The following NTNG1 variants were observed in gnomAD, a reference collection of about 807,000 sequenced individuals.
The protein encoded by NTNG1 is netrin-G1.
Under a neutral mutation model 54.0 loss-of-function variants are expected in NTNG1, and 16 were observed. The observed-to-expected ratio is 0.30, with a 90% CI of 0.20 to 0.45. The LOEUF (loss-of-function observed/expected upper bound fraction) is 0.45, where lower values mean the gene tolerates loss of function less well. Ranked by LOEUF, NTNG1 falls within the 20% of genes least tolerant of loss-of-function variation. NTNG1 has a pLI of 1.00. For missense variants in NTNG1, 530 were observed against 678.7 expected, an observed-to-expected ratio of 0.78 and a Z score of 2.43; for synonymous variants, 255 against 263.1, an observed-to-expected ratio of 0.97 and a Z score of 0.30.
chr1:107,373,034 T>C (rs1671021779), intron 3 of NTNG1, among the ~76,000 whole-genome samples: 1 of 152,174 alleles, frequency 6.6e-6, no homozygotes. Flanking sequence ...CTTGTTTTTG[T>C]TTAAATATCT....
chr1:107,140,958 G>A (rs1653615542), upstream of NTNG1: 1 of 152,500 alleles, frequency 6.6e-6, no homozygotes, highest in Admixed American at 6.6e-5. Flanking sequence ...TGGAGGGAGA[G>A]GCACCTTTCT....
intron 7 of NTNG1, among the ~76,000 whole-genome samples, chr1:107,441,513 T>C (rs12735678): frequency 0.16 from 24,558 of 152,034 alleles, 2,048 homozygotes; most frequent in Middle Eastern, 0.24. Context: ...AAAGTACACA[T>C]AGCAAGGGGG....
chr1:107,328,829 T>A (rs375200067), intron 3 of NTNG1: 1 of 152,146 alleles, frequency 6.6e-6, no homozygotes, highest in East Asian at 1.9e-4. Flanking sequence ...GACAAATGAA[T>A]CTTTAGTAAT....
At chr1:107,479,195 T>C (rs1024477727) in intron 7 of NTNG1, among the ~76,000 whole-genome samples, 79 of 152,348 alleles carry the variant, frequency 5.2e-4, no homozygotes, top group African/African-American at 1.9e-3. Flanking sequence ...CAGTGGTCTA[T>C]TTAGGGCACT....
chr1:107,289,580 A>G (rs1665449757), intron 2 of NTNG1, among the ~76,000 whole-genome samples: 1 of 152,044 alleles, frequency 6.6e-6, no homozygotes, highest in Non-Finnish European at 1.5e-5. Flanking sequence ...CTTAAATATC[A>G]CTTCATTATA....
At chr1:107,434,128 C>A (rs1347635545) in intron 6 of NTNG1, among the ~76,000 whole-genome samples, 1 of 152,136 alleles carries the variant, frequency 6.6e-6, no homozygotes, top group African/African-American at 2.4e-5. Context: ...AAAAAAAGAA[C>A]ACTTTGCCAA....
intron 5 of NTNG1, among the ~76,000 whole-genome samples, chr1:107,425,034 C>A (rs1674805499): frequency 1.3e-5 from 2 of 152,064 alleles, no homozygotes; most frequent in East Asian, 3.9e-4. Context: ...GGCCCAGAAG[C>A]CCCTGCTTCA....
intron 2 of NTNG1, among the ~76,000 whole-genome samples, chr1:107,243,863 A>C (rs1662007138): frequency 1.3e-5 from 2 of 152,102 alleles, no homozygotes; most frequent in South Asian, 2.1e-4. Context: ...TCAGTTCCTT[A>C]TGCCCTCACT....
chr1:107,449,076 A>T (rs1479431964), intron 7 of NTNG1, among the ~76,000 whole-genome samples: 2 of 152,198 alleles, frequency 1.3e-5, no homozygotes, highest in East Asian at 1.9e-4. Context: ...TAACTCAGTT[A>T]ATTGTTATGA....
At chr1:107,407,545 A>T in intron 4 of NTNG1, 137 bp from the exon 5 acceptor site, 1 of 647,496 alleles carries the variant, frequency 1.5e-6, no homozygotes, top group Non-Finnish European at 2.7e-6. Flanking sequence ...GTGCACCTGT[A>T]TTTTGTGTGT....
At chr1:107,333,289 T>C (rs1668388829) in intron 3 of NTNG1, among the ~76,000 whole-genome samples, 1 of 152,016 alleles carries the variant, frequency 6.6e-6, no homozygotes, top group Non-Finnish European at 1.5e-5. Context: ...TCAGAATAGG[T>C]CACAGTTACC....
chr1:107,206,046 T>C (rs1005784713), intron 2 of NTNG1, among the ~76,000 whole-genome samples: 2 of 152,180 alleles, frequency 1.3e-5, no homozygotes, highest in Non-Finnish European at 2.9e-5. Context: ...ATTTTCATAG[T>C]TTCCAGGGCT....
intron 2 of NTNG1, among the ~76,000 whole-genome samples, chr1:107,158,010 T>G (rs917739618): frequency 1.3e-5 from 2 of 152,146 alleles, no homozygotes; most frequent in Non-Finnish European, 2.9e-5. Flanking sequence ...CTGGGAAAGA[T>G]TCATCTGAGT....
At chr1:107,460,890 A>G (rs1382314436) in intron 7 of NTNG1, among the ~76,000 whole-genome samples, 2 of 152,172 alleles carry the variant, frequency 1.3e-5, no homozygotes, top group Non-Finnish European at 2.9e-5. Flanking sequence ...GGTGTTCAGT[A>G]GTTGTCATCG....
chr1:107,356,358 A>G (rs984720747), intron 3 of NTNG1, among the ~76,000 whole-genome samples: 16 of 152,138 alleles, frequency 1.1e-4, no homozygotes, highest in Admixed American at 7.9e-4. Flanking sequence ...CAGTGGCACA[A>G]TCTCAGCTGA....
intron 4 of NTNG1, among the ~76,000 whole-genome samples, chr1:107,400,008 T>G (rs1672914634): frequency 6.6e-6 from 1 of 152,170 alleles, no homozygotes; most frequent in South Asian, 2.1e-4. Flanking sequence ...TTTCTTGACA[T>G]TCTAGCCTAT....
intron 2 of NTNG1, among the ~76,000 whole-genome samples, chr1:107,305,092 T>C (rs1367950065): frequency 6.6e-6 from 1 of 152,234 alleles, no homozygotes; most frequent in Non-Finnish European, 1.5e-5. Flanking sequence ...CTGCATAGTA[T>C]TCCATGGTGT....
rs966185352 is a variant in NTNG1 at position 107,196,523 on chromosome 1, G to A, written c.246+47684G>A. The stretch of plus-strand genomic sequence containing the variant: ...TCGTGGGAAGTAGTGGGATGGACTC[G>A]GAGTCCTTGGGTCCTGTCTTCTGTT... On this transcript the variant is annotated intron_variant, in intron 2 of 7. Coordinates refer to ENST00000370068, the MANE Select transcript of NTNG1 (RefSeq NM_001113226.3). 3.3e-5 allele frequency among the ~76,000 whole-genome samples: 5 copies of A among 151,918 alleles called. No homozygotes were observed. In the East Asian group the frequency reaches 5.8e-4, roughly 18 times the overall value.
chr1:107,374,195 G>A lies in NTNG1; in HGVS notation c.888-20959G>A, dbSNP rs544458125. Among the ~76,000 whole-genome samples the A allele has an allele frequency of 2.0e-5, 3 of 152,186 alleles. No homozygotes were observed. The South Asian group carries it at 6.2e-4, about 32-fold the overall frequency. Reference sequence around the variant, plus strand: ...AGATAGTCTGTATTGCTCGTTTGGGGCATGTTTGTTTAAGATGTGCTTGGT... The same window carrying A: ...AGATAGTCTGTATTGCTCGTTTGGGACATGTTTGTTTAAGATGTGCTTGGT... On this transcript the variant is annotated intron_variant, in intron 3 of 7. Coordinates refer to ENST00000370068, the MANE Select transcript of NTNG1 (RefSeq NM_001113226.3).
Sources: gnomAD v4.1 joint callset for allele counts (sites outside exome capture counted in the v4.1 genomes callset) on GRCh38, gnomAD v4.1.1 for gene constraint, MANE v1.5 for transcripts, NCBI Gene and HGNC (gene_info 2026-07-23, HGNC 2026-07-21) for gene names.